ADGRB3: variants seen among roughly 807,000 people sequenced by gnomAD.
ADGRB3 encodes the protein adhesion G protein-coupled receptor B3.
Under a neutral mutation model 193.4 loss-of-function variants are expected in ADGRB3, and 37 were observed. That is an observed-to-expected ratio of 0.19 (90% confidence interval 0.15 to 0.25). The LOEUF (loss-of-function observed/expected upper bound fraction) is 0.25. Among genes scored for constraint, ADGRB3 ranks in the 10% least tolerant of loss-of-function variants. The probability of loss-of-function intolerance (pLI) is 1.00; values close to 1 mark genes in which losing one functional copy is unlikely to be tolerated. For synonymous variants in ADGRB3, 690 were observed against 644.2 expected (o/e 1.07, Z -1.08); for missense variants, 1,637 against 1,852.9 (o/e 0.88, Z 2.14).
intron 17 of ADGRB3, among the ~76,000 whole-genome samples, chr6:69,225,424 T>C (rs953950903): frequency 2.6e-5 from 4 of 152,202 alleles, no homozygotes; most frequent in Non-Finnish European, 5.9e-5. Flanking sequence ...TCTTCCTGTA[T>C]GTTCCTAACT....
At chr6:69,219,860 T>C (rs1381034654) in intron 17 of ADGRB3, among the ~76,000 whole-genome samples, 1 of 152,006 alleles carries the variant, frequency 6.6e-6, no homozygotes, top group Non-Finnish European at 1.5e-5. Context: ...AACTATATTG[T>C]GCTATATGTG....
intron 17 of ADGRB3, among the ~76,000 whole-genome samples, chr6:69,216,594 C>CA (rs922986721): frequency 1.3e-5 from 2 of 152,150 alleles, no homozygotes; most frequent in African/African-American, 4.8e-5. Flanking sequence ...AGGGAGAGAA[C>CA]ACTGGGCTAT....
In ADGRB3 at chr6:68,822,852, T is replaced by G. The variant is rs537704757; in HGVS notation, c.758-107707T>G. On this transcript the variant is annotated intron_variant, in intron 3 of 31. Transcript: ENST00000370598. ...TGTTAGTGGCAATTTCCAAAGGCTTTGCTGCAATTCAGTTAAGAATCTTTG... is the reference window on the plus strand; with the variant it reads ...TGTTAGTGGCAATTTCCAAAGGCTTGGCTGCAATTCAGTTAAGAATCTTTG... Among the ~76,000 whole-genome samples the G allele has an allele frequency of 2.2e-4, 33 of 152,148 alleles. No homozygotes were observed. In the South Asian group the frequency reaches 6.2e-3, roughly 29 times the overall value.
rs571430973 is a variant in ADGRB3, at chr6:68,883,651, C to G, written c.758-46908C>G. Among the ~76,000 whole-genome samples, 9 of 152,226 alleles carry G rather than the reference C, an allele frequency of 5.9e-5. No individual in the cohort carries two copies. In the South Asian group the frequency reaches 1.7e-3, roughly 28 times the overall value. On this transcript the variant is annotated intron_variant, in intron 3 of 31. Transcript: ENST00000370598. The stretch of plus-strand genomic sequence containing the variant: ...CTGCCTTAAAAGCTGTAACACTCAC[C>G]GCAAAGGTCTGCACCTTCACTCCTG...
At chr6:69,097,886 T>TTTATGAG (rs201159711) in intron 17 of ADGRB3, among the ~76,000 whole-genome samples, 3,480 of 152,260 alleles carry the variant, frequency 0.023, 49 homozygotes, top group Non-Finnish European at 0.033. Flanking sequence ...AATGTAAACA[T>TTTATGAG]TTATGAGTTA....
In ADGRB3 at chr6:68,762,022, G is replaced by T. The variant is rs148509190; in HGVS notation, c.757+122590G>T. Among the ~76,000 whole-genome samples, 629 of 152,162 alleles carry T rather than the reference G, an allele frequency of 4.1e-3. 31 individuals are homozygous for T. The highest frequency in any genetic ancestry group is 0.038 in the Admixed American group (578 of 15,282). On this transcript the variant is annotated intron_variant, in intron 3 of 31. Transcript: ENST00000370598. ...TACCTTAAGGTAAAATGAAAGTTTC[G>T]TGTAGTGAATATATACAAATATTCA...
intron 8 of ADGRB3, among the ~76,000 whole-genome samples, chr6:68,969,622 G>T (rs1045747068): frequency 6.6e-6 from 1 of 152,170 alleles, no homozygotes; most frequent in African/African-American, 2.4e-5. Flanking sequence ...TAAGGGGGCA[G>T]ATGGAGGAGA....
At chr6:68,677,552 C>T (rs1365137312) in intron 3 of ADGRB3, among the ~76,000 whole-genome samples, 2 of 116,844 alleles carry the variant, frequency 1.7e-5, no homozygotes, top group African/African-American at 3.2e-5. Flanking sequence ...AGGTCTCACT[C>T]TGTTGTTCAA....
intron 3 of ADGRB3, among the ~76,000 whole-genome samples, chr6:68,876,850 T>C (rs944118714): frequency 3.4e-4 from 51 of 152,152 alleles, no homozygotes; most frequent in Admixed American, 3.9e-4. Context: ...TTTCTTTTTA[T>C]TGATGGTTTT....
intron 5 of ADGRB3, among the ~76,000 whole-genome samples, chr6:68,941,832 T>C (rs1314981324): frequency 2.0e-5 from 3 of 151,350 alleles, no homozygotes; most frequent in African/African-American, 4.8e-5. Flanking sequence ...TAATTGATCA[T>C]ATATACATAT....
intron 17 of ADGRB3, among the ~76,000 whole-genome samples, chr6:69,088,399 G>A (rs563248563): frequency 6.0e-4 from 91 of 152,220 alleles, no homozygotes; most frequent in African/African-American, 2.0e-3. Context: ...TTGAGATGGA[G>A]TCTCGCTCTG....
intron 3 of ADGRB3, among the ~76,000 whole-genome samples, chr6:68,837,819 C>T (rs1582242033): frequency 6.6e-6 from 1 of 152,142 alleles, no homozygotes; most frequent in Non-Finnish European, 1.5e-5. Flanking sequence ...TACTTAGACT[C>T]CCACTCACTT....
At chr6:68,746,620 C>T (rs1335381033) in intron 3 of ADGRB3, among the ~76,000 whole-genome samples, 1 of 151,788 alleles carries the variant, frequency 6.6e-6, no homozygotes, top group Non-Finnish European at 1.5e-5. Context: ...AATTTGTTCT[C>T]CTTTTTCACT....
In ADGRB3 at chr6:69,050,378, T is replaced by G. The variant is rs550225727; in HGVS notation, c.2333+1032T>G. Among the ~76,000 whole-genome samples, 3 of 152,174 alleles carry G rather than the reference T, an allele frequency of 2.0e-5. No homozygotes were observed. In the East Asian group the frequency reaches 5.8e-4, roughly 29 times the overall value. On this transcript the variant is annotated intron_variant, in intron 15 of 31. Transcript: ENST00000370598. The stretch of plus-strand genomic sequence containing the variant: ...TCTCCTTCAACCATAGAGACAGCCA[T>G]GGGAAGCTGAAATTTATTTACCTCC...
chr6:68,746,323 C>A (rs1320965379), intron 3 of ADGRB3, among the ~76,000 whole-genome samples: 1 of 151,882 alleles, frequency 6.6e-6, no homozygotes, highest in South Asian at 2.1e-4. Flanking sequence ...TGTTTTCTGA[C>A]TACCTCTTGT....
intron 17 of ADGRB3, among the ~76,000 whole-genome samples, chr6:69,213,396 C>T (rs1317460277): frequency 6.6e-6 from 1 of 152,158 alleles, no homozygotes; most frequent in Non-Finnish European, 1.5e-5. Context: ...TAAACCATGA[C>T]TGGCAATCAT....
chr6:68,810,274 A>C (rs537236814), intron 3 of ADGRB3, among the ~76,000 whole-genome samples: 39 of 152,322 alleles, frequency 2.6e-4, no homozygotes, highest in Admixed American at 2.1e-3. Flanking sequence ...AATGGAATAA[A>C]GTCTATAATT....
chr6:68,781,669 A>C (rs1044309032), intron 3 of ADGRB3, among the ~76,000 whole-genome samples: 1 of 152,122 alleles, frequency 6.6e-6, no homozygotes, highest in Non-Finnish European at 1.5e-5. Flanking sequence ...AAATAGCTCA[A>C]AAAAACAGGC....
intron 3 of ADGRB3, among the ~76,000 whole-genome samples, chr6:68,690,114 G>A (rs1302357980): frequency 6.6e-6 from 1 of 152,176 alleles, no homozygotes; most frequent in Non-Finnish European, 1.5e-5. Flanking sequence ...CACTCAGGCA[G>A]TGAGCAAGTA....
Sources: allele counts gnomAD v4.1 joint callset (sites outside exome capture counted in the v4.1 genomes callset), GRCh38; gene constraint gnomAD v4.1.1; transcripts MANE v1.5; gene names NCBI Gene and HGNC (gene_info 2026-07-23, HGNC 2026-07-21).